Variants in SFPQ observed in about 807,000 individuals in gnomAD.
SFPQ encodes the protein splicing factor, proline- and glutamine-rich.
SFPQ carries 11 observed loss-of-function variants against 72.9 expected under a neutral mutation model. The ratio of observed to expected loss-of-function variants is 0.15; its 90% CI spans 0.09 to 0.25. The LOEUF (loss-of-function observed/expected upper bound fraction) is 0.25, where lower values mean the gene tolerates loss of function less well. Ranked by LOEUF, SFPQ falls within the 10% of genes least tolerant of loss-of-function variation. The pLI is 1.00. For synonymous variants in SFPQ, 506 were observed against 367.3 expected (o/e 1.38, Z -4.32); for missense variants, 847 against 993.3 (o/e 0.85, Z 1.98).
Position 35,192,079 on chromosome 1 carries a change from G to T in SFPQ, c.828+143C>A, listed in dbSNP as rs551456894. On this transcript the variant is annotated intron_variant, in intron 1 of 9. Transcript: ENST00000357214. Reference sequence around the variant, plus strand: ...CAATCCCCCGCCGACCGACGGCCCCGCAGGCCGCCCCGCCCCCGCAGCGGC... The same window carrying T: ...CAATCCCCCGCCGACCGACGGCCCCTCAGGCCGCCCCGCCCCCGCAGCGGC... The T allele has an allele frequency of 1.4e-3, 777 of 560,664 alleles. 5 individuals carry two copies. The highest frequency in any genetic ancestry group is 0.014 in the African/African-American group (702 of 51,112). The allele number at this position is 560,664 out of a possible 1,614,324, so 34.7% of individuals were successfully genotyped here. A position where few individuals can be genotyped will look rare whatever the true frequency, so the allele number is the denominator to read the frequency against.
At chr1:35,181,937 A>G (rs1639486247), downstream of SFPQ, 1 of 985,058 alleles carries the variant, frequency 1.0e-6, no homozygotes, top group African/African-American at 1.7e-5. Flanking sequence ...AAGCAACATT[A>G]TTTGCTAAAC....
At chr1:35,188,743 G>C (rs1375135555) in intron 6 of SFPQ, among the ~76,000 whole-genome samples, 1 of 152,190 alleles carries the variant, frequency 6.6e-6, no homozygotes, top group Non-Finnish European at 1.5e-5. Flanking sequence ...GATCACTTGA[G>C]CTCAGGAGTT....
intron 5 of SFPQ, chr1:35,177,157 G>A (rs139963272): frequency 1.3e-5 from 2 of 152,210 alleles, no homozygotes; most frequent in African/African-American, 4.8e-5. Context: ...GGAGGTTGCA[G>A]TGAGTCAAAA....
At chr1:35,187,924 GCAAGTTCTATAGACAACTC>G in intron 7 of SFPQ, 30 bp downstream of exon 7, 1 of 1,159,476 alleles carries the variant, frequency 8.6e-7, no homozygotes, top group Non-Finnish European at 1.3e-6. Flanking sequence ...CTAGGTACCT[GCAAGTTCTATAGACAACTC>G]CAATTGGAAG....
At position 35,192,559 on chromosome 1, in the gene SFPQ, G is replaced by A. The variant is rs1017692266; in HGVS notation, c.491C>T (p.Ala164Val). The change falls in exon 1 of 10, where the codon GCG becomes GTG. Residue 164 changes from alanine (A) to valine (V), a missense_variant. Physicochemically the swap from Ala to Val is moderately conservative, Grantham distance 64. This residue lies in a region of SFPQ where 498 missense variants were observed against 405.1 expected (regional missense o/e 1.23). Transcript: ENST00000357214. ...GCTGCTTGGCGGGGTGGGTGGCGGCGCCCCGGGAGGGGCCGAGGTGACTGC... is the reference window on the plus strand; with the variant it reads ...GCTGCTTGGCGGGGTGGGTGGCGGCACCCCGGGAGGGGCCGAGGTGACTGC... The part of the protein sequence containing the change: ...PPAVTSAPPG[A>V]PPPTPPSSGV... 35 of 1,326,524 alleles carry A rather than the reference G, an allele frequency of 2.6e-5. No individual in the cohort carries two copies. The highest frequency in any genetic ancestry group is 4.2e-5 in the Admixed American group (1 of 24,072). The allele number at this position is 1,326,524 out of a possible 1,614,324, so 82.2% of individuals were successfully genotyped here.
chr1:35,192,161 G>A, intron 1 of SFPQ, 61 bp downstream of exon 1: 1 of 1,274,612 alleles, frequency 7.8e-7, no homozygotes, highest in Non-Finnish European at 1.0e-6. Flanking sequence ...CGGGGGCGGG[G>A]GCGAGGAGGG....
chr1:35,181,056 C>G (rs1212340813), downstream of SFPQ: 4 of 1,064,862 alleles, frequency 3.8e-6, no homozygotes, highest in Admixed American at 2.1e-4. Context: ...ATTTCATTGT[C>G]AGAAATGTGA....
At chr1:35,178,264 T>A, downstream of SFPQ, 1 of 1,094,064 alleles carries the variant, frequency 9.1e-7, no homozygotes, top group East Asian at 5.2e-5. Flanking sequence ...GTATTTTCTT[T>A]AAAATGTAAA....
rs1639983989 is a variant in SFPQ, at chr1:35,191,281, A to C, written c.1017+60T>G. On this transcript the variant is annotated intron_variant, in intron 2 of 9. Coordinates refer to ENST00000357214, the MANE Select transcript of SFPQ (RefSeq NM_005066.3). Reference sequence around the variant, plus strand: ...TAAAAACCAAGCCTTCAGCGTTTGTAGTGACAAAAAAATCCCCCACCCTTT... The same window carrying C: ...TAAAAACCAAGCCTTCAGCGTTTGTCGTGACAAAAAAATCCCCCACCCTTT... The C allele has an allele frequency of 5.8e-6, 8 of 1,388,068 alleles. 1 individual carries two copies. In the Admixed American group the frequency reaches 1.5e-4, roughly 26 times the overall value. The allele number at this position is 1,388,068 out of a possible 1,614,324, so 86.0% of individuals were successfully genotyped here.
chr1:35,193,067 G>T lies in SFPQ; in HGVS notation c.-18C>A. The T allele has an allele frequency of 6.5e-7, 1 of 1,537,114 alleles. No homozygotes were observed. The highest frequency in any genetic ancestry group is 2.5e-5 in the East Asian group (1 of 40,168). On this transcript the variant is annotated 5_prime_UTR_variant, in exon 1 of 10. Transcript: ENST00000357214. ...CGAGACATGTCTGTGGTCAAGGGGC[G>T]GTCGAGGCAAAAGCGAAGAAGACGC...
chr1:35,180,741 AAT>A (rs1282955030), downstream of SFPQ: 2 of 1,060,292 alleles, frequency 1.9e-6, no homozygotes, highest in African/African-American at 3.3e-5. Context: ...AGTTTGCTAC[AAT>A]AGAGACTAAT....
At chr1:35,178,766 A>G, downstream of SFPQ, 1 of 1,053,826 alleles carries the variant, frequency 9.5e-7, no homozygotes, top group Non-Finnish European at 1.1e-6. Context: ...TGCAAAGGGT[A>G]TATGAAGTAA....
In SFPQ at chr1:35,186,708, C is replaced by A. The variant is rs536120245; in HGVS notation, c.1986+293G>T. On this transcript the variant is annotated intron_variant, in intron 9 of 9. Coordinates refer to ENST00000357214, the MANE Select transcript of SFPQ (RefSeq NM_005066.3). The stretch of plus-strand genomic sequence containing the variant: ...TCTAGCATCTAGAATTTGGATTTGC[C>A]ATGCACTAGAGTTCAAAAGCACCTA... Among the ~76,000 whole-genome samples the A allele has an allele frequency of 2.6e-5, 4 of 152,216 alleles. No homozygotes were observed. In the South Asian group the frequency reaches 8.3e-4, roughly 32 times the overall value.
chr1:35,186,915 TAAAAA>T (rs1250975988), intron 9 of SFPQ, 81 bp downstream of exon 9: 2 of 1,431,442 alleles, frequency 1.4e-6, no homozygotes. Context: ...GTCACCTACT[TAAAAA>T]AACAAAACAA....
rs776630716 is a variant in SFPQ, at chr1:35,187,010, T to C, written c.1977A>G (p.Gly659=). 2.5e-6 allele frequency: 4 copies of C among 1,613,684 alleles called. No individual in the cohort carries two copies. Among genetic ancestry groups the C allele is most frequent in the Non-Finnish European group, 3.4e-6 (4 of 1,179,626 alleles). ...CCACAGGATACATTACCATGTCACT[T>C]CCCATCATGGAACCACTCATGGTTG... is the stretch of plus-strand genomic sequence containing the variant. ...PPATMSGSMM[G]SDMRTERFGQ... The change falls in exon 9 of 10, where the codon GGA becomes GGG. Residue 659 remains glycine, a synonymous_variant. Coordinates refer to ENST00000357214, the MANE Select transcript of SFPQ (RefSeq NM_005066.3).
At chr1:35,185,488 C>A (rs1639666580) in intron 9 of SFPQ, among the ~76,000 whole-genome samples, 1 of 152,170 alleles carries the variant, frequency 6.6e-6, no homozygotes, top group Non-Finnish European at 1.5e-5. Context: ...CTATTCCCAT[C>A]TAGTTTTAGG....
downstream of SFPQ, chr1:35,182,183 T>A (rs1365756911): frequency 4.1e-6 from 4 of 985,204 alleles, no homozygotes; most frequent in Non-Finnish European, 4.8e-6. Context: ...CCACACACAT[T>A]CAAAGTTCAC....
downstream of SFPQ, chr1:35,181,710 G>T: frequency 3.8e-6 from 4 of 1,060,662 alleles, no homozygotes; most frequent in Non-Finnish European, 4.6e-6. Flanking sequence ...TTCTTTAAAT[G>T]AAAAAAATGG....
chr1:35,192,178 C>G, intron 1 of SFPQ, 44 bp downstream of exon 1: 1 of 1,320,924 alleles, frequency 7.6e-7, no homozygotes, highest in Non-Finnish European at 9.7e-7. Flanking sequence ...AGGGGGCCGC[C>G]GCCATCTTAG....
Sources: gnomAD v4.1 joint callset for allele counts (sites outside exome capture counted in the v4.1 genomes callset) on GRCh38, gnomAD v4.1.1 for gene constraint, gnomAD v4.1.1 regional missense constraint, MANE v1.5 for transcripts, NCBI Gene and HGNC (gene_info 2026-07-23, HGNC 2026-07-21) for gene names.